PCDH15: variants seen among roughly 807,000 people sequenced by gnomAD.
PCDH15 encodes the protein protocadherin related 15.
In PCDH15, 129 loss-of-function variants were observed where a neutral mutation model predicts 178.5. The ratio of observed to expected loss-of-function variants is 0.72; its 90% CI spans 0.63 to 0.84. The LOEUF is 0.84. Among genes scored for constraint, PCDH15 ranks in the 40% least tolerant of loss-of-function variants. The pLI, the probability that PCDH15 is intolerant of heterozygous loss-of-function variation, is 0.00. For missense variants in PCDH15, 2,230 were observed against 2,099.9 expected (o/e 1.06, Z -1.21); for synonymous variants, 800 against 732.0 (o/e 1.09, Z -1.50).
At chr10:54,793,789 A>G (rs1951676995) in intron 1 of PCDH15, among the ~76,000 whole-genome samples, 2 of 149,178 alleles carry the variant, frequency 1.3e-5, no homozygotes, top group African/African-American at 4.9e-5. Context: ...CTGATGGTAT[A>G]AAATAACCAA....
intron 15 of PCDH15, among the ~76,000 whole-genome samples, chr10:54,131,954 G>C (rs2042472186): frequency 6.6e-6 from 1 of 152,128 alleles, no homozygotes; most frequent in Non-Finnish European, 1.5e-5. Context: ...AGATGTAGCT[G>C]TGCCTTATGT....
chr10:54,536,395 A>G (rs944327070), intron 2 of PCDH15, among the ~76,000 whole-genome samples: 1 of 151,690 alleles, frequency 6.6e-6, no homozygotes, highest in South Asian at 2.1e-4. Flanking sequence ...TTTTTTTTTA[A>G]TATTTCAGTA....
At position 54,828,358 on chromosome 10, in the gene PCDH15, T is replaced by C. The variant is rs59093120; in HGVS notation, c.-29+69092A>G. Among the ~76,000 whole-genome samples the C allele has an allele frequency of 6.2e-3, 944 of 152,068 alleles. 6 individuals are homozygous for C. Among genetic ancestry groups the C allele is most frequent in the African/African-American group, 0.021 (856 of 41,540 alleles). ...AATGAAAATTGAGGATGTTGATAATTTGTAAAATCAAGCTTTTTTATTGTA... is the reference window on the plus strand; with the variant it reads ...AATGAAAATTGAGGATGTTGATAATCTGTAAAATCAAGCTTTTTTATTGTA... On this transcript the variant is annotated intron_variant, in intron 3 of 5. Coordinates refer to the PCDH15 transcript ENST00000458638.
intron 2 of PCDH15, among the ~76,000 whole-genome samples, chr10:55,014,980 G>A (rs1840136215): frequency 1.3e-5 from 2 of 152,164 alleles, no homozygotes; most frequent in Admixed American, 6.5e-5. Flanking sequence ...CAGCACTTTG[G>A]GAGGCCGAGG....
chr10:54,331,416 TA>T, intron 6 of PCDH15, among the ~76,000 whole-genome samples: 1 of 152,110 alleles, frequency 6.6e-6, no homozygotes, highest in Non-Finnish European at 1.5e-5. Flanking sequence ...TGCAGTCATT[TA>T]AAAGTAACAA....
At chr10:55,342,970 T>C (rs1390099461) in intron 2 of PCDH15, among the ~76,000 whole-genome samples, 1 of 152,046 alleles carries the variant, frequency 6.6e-6, no homozygotes, top group Admixed American at 6.6e-5. Flanking sequence ...TTTCCTATAC[T>C]CCAAATTTGG....
At chr10:54,726,991 GGT>G (rs201328895) in intron 1 of PCDH15, among the ~76,000 whole-genome samples, 18,434 of 151,302 alleles carry the variant, frequency 0.12, 1,254 homozygotes, top group African/African-American at 0.17. Context: ...TATTTTTGTG[GGT>G]ATTAACATTA....
At chr10:53,879,920 G>A (rs2080576907) in intron 26 of PCDH15, among the ~76,000 whole-genome samples, 1 of 152,110 alleles carries the variant, frequency 6.6e-6, no homozygotes, top group Non-Finnish European at 1.5e-5. Context: ...CCAAAGTGCT[G>A]GTATCACAGG....
At chr10:55,502,715 T>A (rs1032966248) in intron 2 of PCDH15, among the ~76,000 whole-genome samples, 1 of 151,664 alleles carries the variant, frequency 6.6e-6, no homozygotes, top group Non-Finnish European at 1.5e-5. Context: ...GGTCAAACTA[T>A]CTTTCCTTTT....
At chr10:55,487,934 A>G (rs1162993608) in intron 2 of PCDH15, among the ~76,000 whole-genome samples, 3 of 134,838 alleles carry the variant, frequency 2.2e-5, no homozygotes, top group Admixed American at 7.4e-5. Context: ...ATTCAAAGTC[A>G]TAATCAATAA....
chr10:54,949,953 G>A (rs1456924821), intron 2 of PCDH15, among the ~76,000 whole-genome samples: 1 of 151,956 alleles, frequency 6.6e-6, no homozygotes, highest in Non-Finnish European at 1.5e-5. Context: ...AAGTCTCTAG[G>A]AAGTTCCAGA....
At chr10:54,862,727 C>G (rs1953865456) in intron 3 of PCDH15, among the ~76,000 whole-genome samples, 1 of 152,176 alleles carries the variant, frequency 6.6e-6, no homozygotes, top group Admixed American at 6.6e-5. Flanking sequence ...CTCTTTCTTG[C>G]TTTCTCTCTC....
chr10:54,551,404 T>A (rs933867514), intron 2 of PCDH15, among the ~76,000 whole-genome samples: 1 of 152,072 alleles, frequency 6.6e-6, no homozygotes, highest in African/African-American at 2.4e-5. Flanking sequence ...AATATATGGA[T>A]GCTTTGGGCA....
chr10:54,194,332 C>G (rs983087693), intron 11 of PCDH15, among the ~76,000 whole-genome samples: 1 of 151,988 alleles, frequency 6.6e-6, no homozygotes, highest in Admixed American at 6.6e-5. Context: ...TATTTAATTT[C>G]ATTAATATTA....
At chr10:55,229,188 G>A (rs918851209) in intron 1 of PCDH15, among the ~76,000 whole-genome samples, 3 of 151,330 alleles carry the variant, frequency 2.0e-5, no homozygotes, top group African/African-American at 7.3e-5. Flanking sequence ...TTATAGTATG[G>A]GATAAGCACA....
At chr10:54,819,150 T>C (rs950312755) in intron 3 of PCDH15, among the ~76,000 whole-genome samples, 5 of 152,124 alleles carry the variant, frequency 3.3e-5, no homozygotes, top group African/African-American at 1.2e-4. Flanking sequence ...AGTTAATACA[T>C]AAATATTTGC....
intron 21 of PCDH15, among the ~76,000 whole-genome samples, chr10:53,993,057 GA>G (rs1367166474): frequency 6.6e-6 from 1 of 152,160 alleles, no homozygotes; most frequent in Non-Finnish European, 1.5e-5. Flanking sequence ...AGGATACCTT[GA>G]AAACGATGTG....
chr10:54,666,838 A>G (rs917506719), intron 1 of PCDH15, among the ~76,000 whole-genome samples: 6 of 152,032 alleles, frequency 3.9e-5, no homozygotes, highest in African/African-American at 1.4e-4. Flanking sequence ...AGTAGTTTAT[A>G]GTATTATGCA....
intron 22 of PCDH15, among the ~76,000 whole-genome samples, chr10:53,960,550 C>T (rs2088186424): frequency 6.6e-6 from 1 of 152,098 alleles, no homozygotes; most frequent in East Asian, 1.9e-4. Context: ...CTTTAATAAC[C>T]TACATTACAT....
Sources: gnomAD v4.1 joint callset for allele counts (sites outside exome capture counted in the v4.1 genomes callset) on GRCh38, gnomAD v4.1.1 for gene constraint, MANE v1.5 for transcripts, NCBI Gene and HGNC (gene_info 2026-07-23, HGNC 2026-07-21) for gene names.